Variants in GUCA1C observed in about 807,000 individuals in gnomAD.
The protein encoded by GUCA1C is guanylate cyclase activator 1C.
GUCA1C carries 15 observed loss-of-function variants against 16.2 expected under a neutral mutation model. The observed-to-expected ratio is 0.93, with a 90% confidence interval of 0.62 to 1.43. The LOEUF (loss-of-function observed/expected upper bound fraction) is 1.43. Ranked by LOEUF, GUCA1C falls within the 40% of genes most tolerant of loss-of-function variation. The pLI is 0.00. For synonymous variants in GUCA1C, 78 were observed against 85.4 expected, an observed-to-expected ratio of 0.91 and a Z score of 0.48; for missense variants, 275 against 244.8, an observed-to-expected ratio of 1.12 and a Z score of -0.82.
chr3:108,914,952 T>G (rs1369364710), intron 3 of GUCA1C, among the ~76,000 whole-genome samples: 2 of 152,154 alleles, frequency 1.3e-5, no homozygotes, highest in African/African-American at 4.8e-5. Context: ...GTCAGTATAC[T>G]AGTAAGTGAG....
At chr3:108,948,957 CTT>C (rs926233527) in intron 1 of GUCA1C, among the ~76,000 whole-genome samples, 8 of 152,010 alleles carry the variant, frequency 5.3e-5, no homozygotes, top group Non-Finnish European at 4.4e-5. Flanking sequence ...AAGCAATTCT[CTT>C]GTCTCAGCCT....
intron 1 of GUCA1C, among the ~76,000 whole-genome samples, chr3:108,926,848 GT>G (rs1946628156): frequency 6.6e-6 from 1 of 151,778 alleles, no homozygotes; most frequent in East Asian, 1.9e-4. Flanking sequence ...CTTTAAGGAG[GT>G]TCTATTTTGG....
chr3:108,952,204 A>G (rs1946902077), intron 1 of GUCA1C, among the ~76,000 whole-genome samples: 1 of 152,222 alleles, frequency 6.6e-6, no homozygotes, highest in Non-Finnish European at 1.5e-5. Flanking sequence ...GAAAGAGAAA[A>G]CTGAGATTGA....
chr3:108,941,053 G>C (rs1946781160), intron 1 of GUCA1C, among the ~76,000 whole-genome samples: 2 of 138,928 alleles, frequency 1.4e-5, no homozygotes, highest in South Asian at 4.5e-4. Flanking sequence ...GATTCCCTAA[G>C]GGGCTCATTT....
At chr3:108,922,653 C>A (rs1447172870) in intron 1 of GUCA1C, among the ~76,000 whole-genome samples, 7 of 152,042 alleles carry the variant, frequency 4.6e-5, no homozygotes, top group Admixed American at 3.9e-4. Context: ...TGAGAATTGT[C>A]TATTCATGTC....
intron 3 of GUCA1C, 62 bp downstream of exon 3, chr3:108,916,065 C>T (rs775661066): frequency 1.9e-6 from 3 of 1,601,524 alleles, no homozygotes; most frequent in South Asian, 2.3e-5. Context: ...AAATAACACT[C>T]CCCACTACCA....
In GUCA1C at chr3:108,940,323, G is replaced by C. The variant is rs1946773238; in HGVS notation, c.204+13236C>G. ...ACCCAGTACAGCGTTATAGGTTGCA[G>C]GGTAGCCACGGGTTAATGAACAGCA... is the stretch of plus-strand genomic sequence containing the variant. On this transcript the variant is annotated intron_variant, in intron 1 of 3. Transcript: ENST00000261047. Among the ~76,000 whole-genome samples, 7 of 152,178 alleles carry C rather than the reference G, an allele frequency of 4.6e-5. 1 individual carries two copies. In the South Asian group the frequency reaches 1.5e-3, roughly 32 times the overall value.
intron 1 of GUCA1C, among the ~76,000 whole-genome samples, chr3:108,950,327 GC>G (rs1160522753): frequency 6.6e-6 from 1 of 152,080 alleles, no homozygotes; most frequent in Non-Finnish European, 1.5e-5. Flanking sequence ...TCCATATCTT[GC>G]CTGTTGTGAA....
chr3:108,916,568 G>C (rs1272464059), intron 2 of GUCA1C, among the ~76,000 whole-genome samples: 1 of 152,212 alleles, frequency 6.6e-6, no homozygotes, highest in African/African-American at 2.4e-5. Context: ...ATTTCAGACA[G>C]ATTGATTTGG....
intron 1 of GUCA1C, among the ~76,000 whole-genome samples, chr3:108,941,692 C>G (rs900145932): frequency 1.3e-5 from 2 of 152,162 alleles, no homozygotes; most frequent in Non-Finnish European, 2.9e-5. Context: ...ACCCAGATGC[C>G]TAGGTGTGGC....
chr3:108,919,510 A>G (rs897680866), intron 2 of GUCA1C, among the ~76,000 whole-genome samples: 2 of 152,174 alleles, frequency 1.3e-5, no homozygotes, highest in Non-Finnish European at 2.9e-5. Context: ...TGAATGATCT[A>G]TGTGAAATTA....
intron 1 of GUCA1C, among the ~76,000 whole-genome samples, chr3:108,927,432 C>CTTTTTTTTTT (rs55930777): frequency 7.8e-6 from 1 of 128,274 alleles, no homozygotes; most frequent in African/African-American, 3.0e-5. Context: ...TTTTTTAATT[C>CTTTTTTTTTT]TTTTTTTTTT....
chr3:108,932,637 G>A (rs1262093327), intron 1 of GUCA1C, among the ~76,000 whole-genome samples: 1 of 152,032 alleles, frequency 6.6e-6, no homozygotes, highest in Non-Finnish European at 1.5e-5. Context: ...ATAAAGTCCA[G>A]CAGGCCGGGC....
chr3:108,920,851 G>A (rs936328480), intron 1 of GUCA1C, among the ~76,000 whole-genome samples: 7 of 152,098 alleles, frequency 4.6e-5, no homozygotes, highest in African/African-American at 1.7e-4. Flanking sequence ...GGAAGCTACA[G>A]AGGTTTCCTG....
chr3:108,932,924 C>CAAAAAAAA (rs57918246), intron 1 of GUCA1C, among the ~76,000 whole-genome samples: 4 of 68,666 alleles, frequency 5.8e-5, no homozygotes, highest in Non-Finnish European at 1.2e-4. Context: ...AAAAAAATCT[C>CAAAAAAAA]AAAAAAAAAA....
intron 1 of GUCA1C, among the ~76,000 whole-genome samples, chr3:108,930,785 T>C (rs1946659366): frequency 6.6e-6 from 1 of 152,204 alleles, no homozygotes; most frequent in Admixed American, 6.5e-5. Flanking sequence ...TTTTACCTTT[T>C]CGCTGCTTGC....
rs190880813 is a variant in GUCA1C, at chr3:108,936,187, G to A, written c.205-15602C>T. Among the ~76,000 whole-genome samples, 66 of 152,212 alleles carry A rather than the reference G, an allele frequency of 4.3e-4. 2 individuals are homozygous for A. In the East Asian group the frequency reaches 0.012, roughly 28 times the overall value. Reference sequence around the variant, plus strand: ...TGAAGTGAAAGGATCACCTGAGCCCGGGAGTTGGAGGTTGAGATGAGCTGT... The same window carrying A: ...TGAAGTGAAAGGATCACCTGAGCCCAGGAGTTGGAGGTTGAGATGAGCTGT... On this transcript the variant is annotated intron_variant, in intron 1 of 3. Transcript: ENST00000261047.
intron 1 of GUCA1C, among the ~76,000 whole-genome samples, chr3:108,943,239 G>C (rs1946806212): frequency 6.6e-6 from 1 of 152,074 alleles, no homozygotes; most frequent in African/African-American, 2.4e-5. Context: ...AGGGGGAGTG[G>C]GGGCGCTGAT....
chr3:108,953,092 T>C (rs77310728), intron 1 of GUCA1C, among the ~76,000 whole-genome samples: 1 of 152,308 alleles, frequency 6.6e-6, no homozygotes, highest in African/African-American at 2.4e-5. Flanking sequence ...GTTTAACTTT[T>C]GATTTGAGTA....
Sources: allele counts gnomAD v4.1 joint callset (sites outside exome capture counted in the v4.1 genomes callset), GRCh38; gene constraint gnomAD v4.1.1; transcripts MANE v1.5; gene names NCBI Gene and HGNC (gene_info 2026-07-23, HGNC 2026-07-21).